EML1: variants seen among roughly 807,000 people sequenced by gnomAD.
EML1 encodes echinoderm microtubule-associated protein-like 1.
Under a neutral mutation model 110.4 loss-of-function variants are expected in EML1, and 27 were observed. That is an observed-to-expected ratio of 0.24 (90% confidence interval 0.18 to 0.34). EML1 has a LOEUF of 0.34. Among genes scored for constraint, EML1 ranks in the 10% least tolerant of loss-of-function variants. EML1 has a pLI of 1.00. For synonymous variants in EML1, 344 were observed against 385.8 expected, an observed-to-expected ratio of 0.89 and a Z score of 1.27; for missense variants, 741 against 1,030.9, an observed-to-expected ratio of 0.72 and a Z score of 3.85.
intron 9 of EML1, among the ~76,000 whole-genome samples, chr14:99,901,854 A>G (rs1171679236): frequency 1.3e-5 from 2 of 152,184 alleles, no homozygotes. Flanking sequence ...CCACCTGGGA[A>G]TGCAGCCCAG....
intron 11 of EML1, among the ~76,000 whole-genome samples, chr14:99,910,016 T>C (rs766386045): frequency 6.6e-6 from 1 of 152,118 alleles, no homozygotes; most frequent in Non-Finnish European, 1.5e-5. Context: ...CCCAGCCACT[T>C]GGGGTTGCTA....
rs144431341 is a variant in EML1, at chr14:99,840,460, G to A, written c.68-10393G>A. On this transcript the variant is annotated intron_variant, in intron 1 of 21. Coordinates refer to ENST00000262233, the MANE Select transcript of EML1 (RefSeq NM_004434.3). The stretch of plus-strand genomic sequence containing the variant: ...AAACTCAGGTTCTCCTACTTCATCT[G>A]TGGCATGAGGGTGGCACCTCTGTGG... 8.7e-3 allele frequency among the ~76,000 whole-genome samples: 1,328 copies of A among 152,310 alleles called. 75 individuals are homozygous for A. The highest frequency in any genetic ancestry group is 0.08 in the Admixed American group (1,220 of 15,306).
Position 99,781,838 on chromosome 14 carries a change from C to T in EML1, c.-27+7825C>T, listed in dbSNP as rs1482462451. 6.6e-6 allele frequency among the ~76,000 whole-genome samples: 1 copy of T among 152,218 alleles called. No homozygotes were observed. The highest frequency in any genetic ancestry group is 1.9e-4 in the East Asian group (1 of 5,190). On this transcript the variant is annotated intron_variant, in intron 1 of 22. Transcript: ENST00000327921. This position sits in a 1 kb window ranked among gnomAD's most constrained non-coding sequence, Gnocchi z 4.2. ...TTCTAGCCTCTTTCCCGCCTCCTCTCCATACCTCTCATCTCCCAGACTCCT... is the reference window on the plus strand; with the variant it reads ...TTCTAGCCTCTTTCCCGCCTCCTCTTCATACCTCTCATCTCCCAGACTCCT...
intron 1 of EML1, among the ~76,000 whole-genome samples, chr14:99,849,938 C>T (rs535492338): frequency 7.2e-4 from 107 of 149,466 alleles, no homozygotes; most frequent in Non-Finnish European, 1.3e-3. Context: ...CCAGCCTGGG[C>T]GACCCTGTCA....
At chr14:99,746,036 G>A (rs899914637) in intron 1 of EML1, among the ~76,000 whole-genome samples, 9 of 152,182 alleles carry the variant, frequency 5.9e-5, no homozygotes, top group Non-Finnish European at 1.0e-4. Context: ...TATACAGTAG[G>A]CACTGAAAAA....
At chr14:99,747,183 G>A (rs1226132847) in intron 1 of EML1, among the ~76,000 whole-genome samples, 9 of 48,708 alleles carry the variant, frequency 1.8e-4, no homozygotes, top group Non-Finnish European at 2.7e-4. Flanking sequence ...GCTAGACCCC[G>A]TCTCAAAAAA....
At chr14:99,739,559 C>G (rs1483861196) in intron 1 of EML1, among the ~76,000 whole-genome samples, 1 of 152,150 alleles carries the variant, frequency 6.6e-6, no homozygotes, top group Non-Finnish European at 1.5e-5. Context: ...GCTTGGATTC[C>G]AGGCTGGCTC....
chr14:99,923,779 A>G (rs1260753608), intron 17 of EML1, among the ~76,000 whole-genome samples: 2 of 152,186 alleles, frequency 1.3e-5, no homozygotes, highest in South Asian at 2.1e-4. Flanking sequence ...AAAATTGTAT[A>G]TAAATTTTAG....
intron 1 of EML1, among the ~76,000 whole-genome samples, chr14:99,762,087 C>G (rs937326169): frequency 2.6e-5 from 4 of 152,088 alleles, no homozygotes; most frequent in African/African-American, 9.7e-5. Context: ...GCTGAACAGA[C>G]GTGGGCACGG....
chr14:99,741,544 C>A (rs2057042258), intron 1 of EML1, among the ~76,000 whole-genome samples: 1 of 152,138 alleles, frequency 6.6e-6, no homozygotes, highest in African/African-American at 2.4e-5. Flanking sequence ...ATAGGGCCTG[C>A]AAACATTAGT....
intron 1 of EML1, among the ~76,000 whole-genome samples, chr14:99,804,170 A>G (rs1487626816): frequency 1.3e-5 from 2 of 152,144 alleles, no homozygotes; most frequent in African/African-American, 4.8e-5. Context: ...TATTGAGTTG[A>G]TATAATTTAA....
chr14:99,871,921 T>C (rs2059212300), intron 3 of EML1, among the ~76,000 whole-genome samples: 1 of 152,192 alleles, frequency 6.6e-6, no homozygotes, highest in African/African-American at 2.4e-5. Flanking sequence ...TGGCCCGGGC[T>C]GTCTGGCTCC....
intron 1 of EML1, among the ~76,000 whole-genome samples, chr14:99,801,875 C>G (rs1323696493): frequency 1.3e-5 from 2 of 152,202 alleles, no homozygotes; most frequent in African/African-American, 2.4e-5. Flanking sequence ...TCCATTATTA[C>G]ACTGTTTTAG....
chr14:99,833,499 A>G (rs1028807236), intron 1 of EML1, among the ~76,000 whole-genome samples: 6 of 152,124 alleles, frequency 3.9e-5, no homozygotes, highest in Non-Finnish European at 8.8e-5. Context: ...GGGATCTGCT[A>G]TTGAGTTTCT....
chr14:99,835,486 G>A (rs4905901), intron 1 of EML1, among the ~76,000 whole-genome samples: 5 of 151,960 alleles, frequency 3.3e-5, no homozygotes, highest in East Asian at 3.9e-4. Flanking sequence ...ATATTGCTTC[G>A]TTTTTTTCTG....
At position 99,837,930 on chromosome 14, in the gene EML1, G is replaced by GCC. The variant is rs2058567646; in HGVS notation, c.68-12922_68-12921insCC. Among the ~76,000 whole-genome samples, 2 of 152,146 alleles carry GCC rather than the reference G, an allele frequency of 1.3e-5. 1 individual carries two copies. Among genetic ancestry groups the GCC allele is most frequent in the Admixed American group, 1.3e-4 (2 of 15,284 alleles). On this transcript the variant is annotated intron_variant, in intron 1 of 21. Coordinates refer to ENST00000262233, the MANE Select transcript of EML1 (RefSeq NM_004434.3). ...TCCTCCTGCCTCAGCCTACCAAGTA[G>GCC]CTGGGACTACAGGCATGAACCATCA...
intron 1 of EML1, 80 bp downstream of exon 1, chr14:99,793,623 G>A: frequency 1.0e-6 from 1 of 956,152 alleles, no homozygotes; most frequent in Non-Finnish European, 1.2e-6. Context: ...GGACCAAGCC[G>A]AGGGGCCGAG....
At chr14:99,922,496 G>T (rs1442879537) in intron 17 of EML1, among the ~76,000 whole-genome samples, 2 of 151,932 alleles carry the variant, frequency 1.3e-5, no homozygotes, top group African/African-American at 4.8e-5. Context: ...TTTTGTGTTT[G>T]TTTTCATTTC....
At chr14:99,866,500 G>A (rs1391069936) in intron 3 of EML1, among the ~76,000 whole-genome samples, 1 of 142,720 alleles carries the variant, frequency 7.0e-6, no homozygotes, top group East Asian at 2.2e-4. Context: ...AACCTGGAAG[G>A]CCAAGGTTGC....
Sources: gnomAD v4.1 joint callset for allele counts (sites outside exome capture counted in the v4.1 genomes callset) on GRCh38, gnomAD v4.1.1 for gene constraint, Gnocchi (gnomAD v3.1) non-coding constraint, MANE v1.5 for transcripts, NCBI Gene and HGNC (gene_info 2026-07-23, HGNC 2026-07-21) for gene names.